Variants in CSGALNACT1 observed in about 807,000 individuals in gnomAD.
CSGALNACT1 encodes chondroitin sulfate N-acetylgalactosaminyltransferase 1.
CSGALNACT1 carries 52 observed loss-of-function variants against 51.0 expected under a neutral mutation model. The ratio of observed to expected loss-of-function variants is 1.02; its 90% CI spans 0.82 to 1.29. The LOEUF is 1.29. Ranked by LOEUF, CSGALNACT1 falls within the 50% of genes most tolerant of loss-of-function variation. CSGALNACT1 has a pLI of 0.00. For missense variants in CSGALNACT1, 935 were observed against 679.2 expected, an observed-to-expected ratio of 1.38 and a Z score of -4.19; for synonymous variants, 341 against 254.4, an observed-to-expected ratio of 1.34 and a Z score of -3.24.
chr8:19,461,368 A>T (rs201576972), intron 4 of CSGALNACT1, among the ~76,000 whole-genome samples: 5 of 152,284 alleles, frequency 3.3e-5, no homozygotes, highest in East Asian at 3.9e-4. Context: ...CCAGGGCCCA[A>T]ATGAGGTGGG....
At chr8:19,575,692 T>C (rs1236981923) in intron 3 of CSGALNACT1, among the ~76,000 whole-genome samples, 1 of 152,220 alleles carries the variant, frequency 6.6e-6, no homozygotes, top group Non-Finnish European at 1.5e-5. Context: ...TATCAAAAAA[T>C]GTTTTCATCT....
chr8:19,496,225 T>C (rs536837879), intron 4 of CSGALNACT1, among the ~76,000 whole-genome samples: 2 of 152,292 alleles, frequency 1.3e-5, no homozygotes, highest in South Asian at 4.1e-4. Context: ...TGGTAAAAGA[T>C]AGGGTTTTTA....
At chr8:19,680,087 G>C (rs935890828) in intron 1 of CSGALNACT1, among the ~76,000 whole-genome samples, 2 of 151,982 alleles carry the variant, frequency 1.3e-5, no homozygotes, top group Admixed American at 6.6e-5. Context: ...TTCCCCACAG[G>C]AATAATGTTA....
intron 3 of CSGALNACT1, among the ~76,000 whole-genome samples, chr8:19,572,282 A>G (rs1299793811): frequency 6.6e-6 from 1 of 152,238 alleles, no homozygotes; most frequent in African/African-American, 2.4e-5. Flanking sequence ...GATGAAAAGA[A>G]TGAAAATGTT....
intron 3 of CSGALNACT1, among the ~76,000 whole-genome samples, chr8:19,556,840 A>T (rs898186038): frequency 6.6e-6 from 1 of 152,150 alleles, no homozygotes; most frequent in Non-Finnish European, 1.5e-5. Context: ...AACAGGATGA[A>T]GTTTCCAGAT....
At position 19,482,553 on chromosome 8, in the gene CSGALNACT1, A is replaced by G. The variant is rs554989150; in HGVS notation, c.634+22648T>C. ...TTCGATGCTAATGCCCACACTCTCC[A>G]TCTAAAGCCGCTTTCTCTCCTTGTG... On this transcript the variant is annotated intron_variant, in intron 4 of 9. Transcript: ENST00000454498. Among the ~76,000 whole-genome samples, 5 of 152,164 alleles carry G rather than the reference A, an allele frequency of 3.3e-5. No individual in the cohort carries two copies. The South Asian group carries it at 8.3e-4, about 25-fold the overall frequency.
intron 4 of CSGALNACT1, among the ~76,000 whole-genome samples, chr8:19,467,025 C>G (rs7003151): frequency 6.6e-6 from 1 of 151,614 alleles, no homozygotes; most frequent in Non-Finnish European, 1.5e-5. Context: ...GCTGACAAAT[C>G]CAGTATCTGG....
At chr8:19,742,666 A>G (rs532008006) in intron 1 of CSGALNACT1, among the ~76,000 whole-genome samples, 2 of 152,366 alleles carry the variant, frequency 1.3e-5, no homozygotes, top group South Asian at 4.1e-4. Context: ...ATGAAAAAAT[A>G]TCACCCTAGA....
At chr8:19,440,656 A>C (rs1479870278) in intron 5 of CSGALNACT1, among the ~76,000 whole-genome samples, 2 of 152,130 alleles carry the variant, frequency 1.3e-5, no homozygotes, top group African/African-American at 4.8e-5. Flanking sequence ...GAAAACTGGC[A>C]CAAGACAGGG....
intron 3 of CSGALNACT1, among the ~76,000 whole-genome samples, chr8:19,516,532 C>A (rs868294163): frequency 6.6e-6 from 1 of 152,182 alleles, no homozygotes; most frequent in Non-Finnish European, 1.5e-5. Context: ...ATGTTTTGTA[C>A]CCCCATGTAG....
At chr8:19,683,389 T>C (rs978907606), upstream of CSGALNACT1, 11 of 152,136 alleles carry the variant, frequency 7.2e-5, no homozygotes, top group African/African-American at 2.7e-4. Flanking sequence ...TTTCAGAAAG[T>C]AGAAGCAAGG....
chr8:19,461,957 C>T (rs183098654), intron 4 of CSGALNACT1, among the ~76,000 whole-genome samples: 2 of 152,254 alleles, frequency 1.3e-5, no homozygotes, highest in East Asian at 1.9e-4. Flanking sequence ...GCACAGCAGC[C>T]GCATTCACCA....
intron 1 of CSGALNACT1, among the ~76,000 whole-genome samples, chr8:19,612,396 G>C (rs550884633): frequency 6.6e-6 from 1 of 150,990 alleles, no homozygotes; most frequent in East Asian, 2.0e-4. Context: ...ATACATTTCA[G>C]ATACACAGTG....
chr8:19,416,488 A>G (rs2153687779), intron 8 of CSGALNACT1, among the ~76,000 whole-genome samples: 1 of 152,312 alleles, frequency 6.6e-6, no homozygotes, highest in East Asian at 1.9e-4. Flanking sequence ...AGTGGACAGT[A>G]ATGTCACAGG....
rs866459195 is a variant in CSGALNACT1, at chr8:19,639,370, G to T, written c.-543-37505C>A. On this transcript the variant is annotated intron_variant, in intron 1 of 9. Transcript: ENST00000332246. ...GCTATTGTTGTTTTTGGATTAATGA[G>T]AATTTTGCTCCCAATTTTCCACAGA... is the stretch of plus-strand genomic sequence containing the variant. Among the ~76,000 whole-genome samples the T allele has an allele frequency of 3.3e-5, 5 of 152,274 alleles. 1 individual carries two copies. In the South Asian group the frequency reaches 1.0e-3, roughly 32 times the overall value.
chr8:19,450,051 T>A lies in CSGALNACT1; in HGVS notation c.851+8375A>T, dbSNP rs534692551. Among the ~76,000 whole-genome samples, 96 of 95,862 alleles carry A rather than the reference T, an allele frequency of 1.0e-3. 1 individual carries two copies. Among genetic ancestry groups the A allele is most frequent in the Middle Eastern group, 6.9e-3 (1 of 144 alleles). 62.9% of individuals were successfully genotyped at this position (95,862 alleles called of 152,430 possible). Reference sequence around the variant, plus strand: ...GAATAGTTTCAAGGGCAAAATGGGGTGGAAGAAGAAAGAAGAAAGAGGGGG... The same window carrying A: ...GAATAGTTTCAAGGGCAAAATGGGGAGGAAGAAGAAAGAAGAAAGAGGGGG... On this transcript the variant is annotated intron_variant, in intron 5 of 9. Transcript: ENST00000454498.
chr8:19,563,640 T>A (rs1035665582), intron 3 of CSGALNACT1, among the ~76,000 whole-genome samples: 1 of 152,030 alleles, frequency 6.6e-6, no homozygotes, highest in Admixed American at 6.6e-5. Context: ...TTACTTCAGT[T>A]ACTCATTCAC....
At chr8:19,617,461 A>C (rs2053190417) in intron 1 of CSGALNACT1, among the ~76,000 whole-genome samples, 2 of 152,196 alleles carry the variant, frequency 1.3e-5, no homozygotes, top group Non-Finnish European at 2.9e-5. Context: ...TTTAACCCGA[A>C]TATAGACTGT....
At chr8:19,662,862 G>C (rs151149280) in intron 1 of CSGALNACT1, among the ~76,000 whole-genome samples, 2 of 152,234 alleles carry the variant, frequency 1.3e-5, no homozygotes, top group Non-Finnish European at 2.9e-5. Context: ...CATTCAGGAG[G>C]TCATGCCACA....
Sources: allele counts gnomAD v4.1 joint callset (sites outside exome capture counted in the v4.1 genomes callset), GRCh38; gene constraint gnomAD v4.1.1; transcripts MANE v1.5; gene names NCBI Gene and HGNC (gene_info 2026-07-23, HGNC 2026-07-21).